The following ADCY4 variants were observed in gnomAD, a reference collection of about 807,000 sequenced individuals.
ADCY4 encodes the protein adenylate cyclase 4.
ADCY4 carries 111 observed loss-of-function variants against 125.5 expected under a neutral mutation model. The observed-to-expected ratio is 0.88, with a 90% CI of 0.76 to 1.04. The LOEUF (loss-of-function observed/expected upper bound fraction) is 1.04, where lower values mean the gene tolerates loss of function less well. ADCY4 is among the 50% of genes least tolerant of loss of function. The pLI is 0.00. For synonymous variants in ADCY4, 576 were observed against 586.9 expected, an observed-to-expected ratio of 0.98 and a Z score of 0.27; for missense variants, 1,256 against 1,382.9, an observed-to-expected ratio of 0.91 and a Z score of 1.46.
rs1410144140 is a variant in ADCY4, at chr14:24,334,539, G to A, written c.114C>T (p.Leu38=). The A allele has an allele frequency of 1.9e-6, 3 of 1,584,326 alleles. No homozygotes were observed. Among genetic ancestry groups the A allele is most frequent in the Non-Finnish European group, 2.6e-6 (3 of 1,169,994 alleles). Residue 38 remains leucine, a synonymous_variant, in exon 1 of 25, where the codon CTC becomes CTT. Coordinates refer to ENST00000418030, the MANE Select transcript of ADCY4 (RefSeq NM_001198568.2). Reference sequence around the variant, plus strand: ...CTGCGAGCAGCGCCGCGAGCGCACAGAGCACGATCCCCAGCAGCAGCAGCA... The same window carrying A: ...CTGCGAGCAGCGCCGCGAGCGCACAAAGCACGATCCCCAGCAGCAGCAGCA... ...PLLLLLLGIV[L]CALAALLAVA... is the part of the protein sequence containing the mutation.
In ADCY4 at chr14:24,329,044, G is replaced by A. The variant is rs772475330; in HGVS notation, c.1524+17C>T. On this transcript the variant is annotated intron_variant, in intron 10 of 24. Transcript: ENST00000418030. ...GATTTAACTAAGCTCTGGGGCTCAGGATGAAGGTGCACATACCGGGAGAGG... is the reference window on the plus strand; with the variant it reads ...GATTTAACTAAGCTCTGGGGCTCAGAATGAAGGTGCACATACCGGGAGAGG... The A allele has an allele frequency of 6.2e-7, 1 of 1,611,404 alleles. No individual in the cohort carries two copies. The highest frequency in any genetic ancestry group is 8.5e-7 in the Non-Finnish European group (1 of 1,178,792).
chr14:24,318,967 C>T, intron 23 of ADCY4, 131 bp downstream of exon 23: 1 of 1,405,990 alleles, frequency 7.1e-7, no homozygotes, highest in African/African-American at 1.4e-5. Flanking sequence ...CACCTTCACA[C>T]CCCATCCCAG....
intron 17 of ADCY4, 89 bp from the exon 18 acceptor site, chr14:24,323,177 C>T: frequency 1.3e-6 from 2 of 1,487,630 alleles, no homozygotes; most frequent in Non-Finnish European, 1.8e-6. Flanking sequence ...CTCCCAGGCC[C>T]AGGTCCTATC....
intron 12 of ADCY4, 27 bp downstream of exon 12, chr14:24,326,046 TGCGGCC>T: frequency 6.4e-7 from 1 of 1,570,052 alleles, no homozygotes; most frequent in Admixed American, 1.8e-5. Flanking sequence ...CCTCAGGGCC[TGCGGCC>T]CCCCCAGCCC....
intron 8 of ADCY4, 56 bp downstream of exon 8, chr14:24,329,804 C>T: frequency 6.3e-7 from 1 of 1,581,024 alleles, no homozygotes; most frequent in East Asian, 2.2e-5. Context: ...AGGATGGCAG[C>T]CTGTGGTAGG....
At position 24,324,408 on chromosome 14, in the gene ADCY4, G is replaced by C. The variant is rs1470023934; in HGVS notation, c.1824-17C>G. ...GCTGGGGGCCTGAAGGGAGACAAAAGCGAGGCCTTGAAGTGCCAGAACAGG... is the reference window on the plus strand; with the variant it reads ...GCTGGGGGCCTGAAGGGAGACAAAACCGAGGCCTTGAAGTGCCAGAACAGG... On this transcript the variant is annotated splice_polypyrimidine_tract_variant and intron_variant, in intron 14 of 24. Coordinates refer to ENST00000418030, the MANE Select transcript of ADCY4 (RefSeq NM_001198568.2). 3 of 1,605,194 alleles carry C rather than the reference G, an allele frequency of 1.9e-6. No individual in the cohort carries two copies. In the African/African-American group the frequency reaches 4.0e-5, roughly 21 times the overall value.
rs758905095 is a variant in ADCY4 at position 24,329,245 on chromosome 14, T to C, written c.1351-11A>G. 6.2e-7 allele frequency: 1 copy of C among 1,612,930 alleles called. No individual in the cohort carries two copies. Among genetic ancestry groups the C allele is most frequent in the Non-Finnish European group, 8.5e-7 (1 of 1,179,336 alleles). On this transcript the variant is annotated splice_polypyrimidine_tract_variant and intron_variant, in intron 9 of 24. Coordinates refer to ENST00000418030, the MANE Select transcript of ADCY4 (RefSeq NM_001198568.2). ...ATCCTCCTCCTCTGCCTGGGGCACA[T>C]AAGGGCTGACAGTAAAGACCACAGA... is the stretch of plus-strand genomic sequence containing the variant.
At position 24,322,931 on chromosome 14, in the gene ADCY4, C is replaced by G. The variant is rs375668939; in HGVS notation, c.2315G>C (p.Arg772Pro). ...GGAGTCCAAGGGGCCCAGATAGAGG[C>G]GGACGATGAGGCATTCCGACAGCCA... ...HAWLSECLIV[R>P]LYLGPLDSRP... Residue 772 changes from arginine (R) to proline (P), a missense_variant, in exon 18 of 25, where the codon CGC (arginine) becomes CCC (proline). By Grantham distance (103) the Arg-to-Pro change is moderately radical. Coordinates refer to ENST00000418030, the MANE Select transcript of ADCY4 (RefSeq NM_001198568.2). The G allele has an allele frequency of 6.2e-7, 1 of 1,607,944 alleles. No individual in the cohort carries two copies. The highest frequency in any genetic ancestry group is 8.5e-7 in the Non-Finnish European group (1 of 1,177,290).
chr14:24,332,225 C>T (rs929426716), intron 3 of ADCY4: 18 of 462,614 alleles, frequency 3.9e-5, no homozygotes, highest in African/African-American at 3.7e-4. Context: ...TACCCACTCC[C>T]ATCGCACAAA....
rs1314759920 is a variant in ADCY4 at position 24,322,078 on chromosome 14, G to A, written c.2574C>T (p.Asn858=). The stretch of plus-strand genomic sequence containing the variant: ...GGTCAGGAGTCACCTCGTTGCGCCG[G>A]TTCTGGCCAATGAACTGGGGGGCCA... ...AHVAPQFIGQ[N]RRNEDLYHQS... Residue 858 remains asparagine, a synonymous_variant, in exon 20 of 25, where the codon AAC becomes AAT. Transcript: ENST00000418030. 6.2e-7 allele frequency: 1 copy of A among 1,613,248 alleles called. No individual in the cohort carries two copies. The highest frequency in any genetic ancestry group is 1.3e-5 in the African/African-American group (1 of 74,914).
intron 20 of ADCY4, 152 bp from the exon 21 acceptor site, chr14:24,320,040 CCAGGGAA>C: frequency 2.3e-6 from 2 of 877,472 alleles, no homozygotes. Flanking sequence ...CCAGGCTACC[CCAGGGAA>C]GTGACTTAGG....
At chr14:24,324,731 TCTCG>T (rs1186604168) in intron 14 of ADCY4, among the ~76,000 whole-genome samples, 1 of 149,988 alleles carries the variant, frequency 6.7e-6, no homozygotes, top group Non-Finnish European at 1.5e-5. Flanking sequence ...TGAGGCGGAG[TCTCG>T]CTCTGTTGCC....
intron 10 of ADCY4, among the ~76,000 whole-genome samples, chr14:24,328,126 C>T (rs930388282): frequency 4.6e-5 from 7 of 151,854 alleles, no homozygotes; most frequent in South Asian, 2.1e-4. Flanking sequence ...CTAGCGGTGA[C>T]GCCAGCATCT....
chr14:24,332,859 A>G lies in ADCY4; in HGVS notation c.289T>C (p.Trp97Arg), dbSNP rs1222672241. 2.2e-5 allele frequency: 35 copies of G among 1,602,938 alleles called. No individual in the cohort carries two copies. Among genetic ancestry groups the G allele is most frequent in the Non-Finnish European group, 2.9e-5 (34 of 1,174,634 alleles). ...TGGCCTAGCGCTAGCAGCGCGACCC[A>G]TACCAAGCCGGACAGGGGACGCGTC... is the stretch of plus-strand genomic sequence containing the variant. The part of the protein sequence containing the change: ...RWTRPLSGLV[W>R]VALLALGHAF... Residue 97 changes from tryptophan (W) to arginine (R), a missense_variant, in exon 2 of 25, where the codon TGG (tryptophan) becomes CGG (arginine). Transcript: ENST00000418030.
rs1309453144 is a variant in ADCY4 at position 24,323,630 on chromosome 14, G to A, written c.2047-176C>T. Reference sequence around the variant, plus strand: ...CACTGGGGTCCTCACTCGGGGAGGAGTTATGTGAGGGGCGTCAAGAGTACT... The same window carrying A: ...CACTGGGGTCCTCACTCGGGGAGGAATTATGTGAGGGGCGTCAAGAGTACT... On this transcript the variant is annotated intron_variant, in intron 16 of 24. Coordinates refer to ENST00000418030, the MANE Select transcript of ADCY4 (RefSeq NM_001198568.2). 6 of 1,426,752 alleles carry A rather than the reference G, an allele frequency of 4.2e-6. No homozygotes were observed. In the South Asian group the frequency reaches 7.5e-5, roughly 18 times the overall value. 88.4% of individuals were successfully genotyped at this position (1,426,752 alleles called of 1,614,324 possible). A position where few individuals can be genotyped will look rare whatever the true frequency, so the allele number is the denominator to read the frequency against.
chr14:24,326,363 G>T (rs758208321), intron 10 of ADCY4, 21 bp from the exon 11 acceptor site: 1 of 1,600,836 alleles, frequency 6.2e-7, no homozygotes, highest in South Asian at 1.1e-5. Context: ...AGCACAGGGG[G>T]AGGTGGGCAT....
intron 17 of ADCY4, 83 bp from the exon 18 acceptor site, chr14:24,323,171 C>T: frequency 2.0e-6 from 3 of 1,507,942 alleles, no homozygotes; most frequent in Non-Finnish European, 2.7e-6. Context: ...CTGTCCCTCC[C>T]AGGCCCAGGT....
intron 10 of ADCY4, among the ~76,000 whole-genome samples, chr14:24,328,127 G>A (rs1029537660): frequency 1.6e-4 from 24 of 151,140 alleles, no homozygotes; most frequent in African/African-American, 4.9e-4. Context: ...TAGCGGTGAC[G>A]CCAGCATCTG....
In ADCY4 at chr14:24,318,559, C is replaced by T; in HGVS notation, c.3091G>A (p.Glu1031Lys). 6.2e-7 allele frequency: 1 copy of T among 1,614,060 alleles called. No homozygotes were observed. Among genetic ancestry groups the T allele is most frequent in the Non-Finnish European group, 8.5e-7 (1 of 1,179,960 alleles). Residue 1031 changes from glutamate (E) to lysine (K), a missense_variant, in exon 25 of 25, where the codon GAG (glutamate) becomes AAG (lysine). Glu to Lys is a moderately conservative substitution (Grantham distance 56, BLOSUM62 1). Transcript: ENST00000418030. ...GVLGKIQVTE[E>K]TAWALQSLGY... is the part of the protein sequence containing the mutation. ...AGGGACTGTAGGGCCCATGCTGTCT[C>T]CTCAGTCACCTACAATTGGAGGGGG... is the stretch of plus-strand genomic sequence containing the variant.
Sources: allele counts gnomAD v4.1 joint callset (sites outside exome capture counted in the v4.1 genomes callset), GRCh38; gene constraint gnomAD v4.1.1; transcripts MANE v1.5; gene names NCBI Gene and HGNC (gene_info 2026-07-23, HGNC 2026-07-21).